GALNT17: variants seen among roughly 807,000 people sequenced by gnomAD.
GALNT17 encodes polypeptide N-acetylgalactosaminyltransferase 17, also known as UDP-GalNAc:polypeptide N-acetylgalactosaminyltransferase-like 3.
Under a neutral mutation model 63.7 loss-of-function variants are expected in GALNT17, and 29 were observed. The ratio of observed to expected loss-of-function variants is 0.46; its 90% CI spans 0.34 to 0.62. The LOEUF is 0.62. Ranked by LOEUF, GALNT17 falls within the 20% of genes least tolerant of loss-of-function variation. GALNT17 has a pLI of 0.01. For synonymous variants in GALNT17, 305 were observed against 318.3 expected (o/e 0.96, Z 0.45); for missense variants, 603 against 799.6 (o/e 0.75, Z 2.97).
At chr7:71,148,956 C>T (rs1788082430) in intron 1 of GALNT17, among the ~76,000 whole-genome samples, 1 of 149,940 alleles carries the variant, frequency 6.7e-6, no homozygotes, top group African/African-American at 2.5e-5. Context: ...TTTTGAGACA[C>T]AGTCTTGCTC....
At chr7:71,324,756 C>T (rs1313407911) in intron 1 of GALNT17, among the ~76,000 whole-genome samples, 2 of 87,450 alleles carry the variant, frequency 2.3e-5, no homozygotes, top group African/African-American at 1.1e-4. Flanking sequence ...TATATGCGTG[C>T]GTGTATATAT....
intron 2 of GALNT17, among the ~76,000 whole-genome samples, chr7:71,354,912 G>A (rs1430368109): frequency 2.0e-5 from 3 of 152,086 alleles, no homozygotes; most frequent in Admixed American, 2.0e-4. Flanking sequence ...CTCTAATGAT[G>A]TCAACCTTGG....
intron 5 of GALNT17, among the ~76,000 whole-genome samples, chr7:71,508,748 A>G (rs1465744251): frequency 6.6e-6 from 1 of 151,890 alleles, no homozygotes; most frequent in South Asian, 2.1e-4. Flanking sequence ...TCCCTGCTTC[A>G]CTTCCCTCCA....
At position 71,511,825 on chromosome 7, in the gene GALNT17, A is replaced by G. The variant is rs529562579; in HGVS notation, c.963-59460A>G. 2.4e-4 allele frequency among the ~76,000 whole-genome samples: 36 copies of G among 152,142 alleles called. 1 individual carries two copies. The highest frequency in any genetic ancestry group is 2.1e-3 in the Admixed American group (32 of 15,282). ...TCTGATGCTGTTGCTTGGATTGCCCAGGGGTCCCTTCTCTTGTCATATTTC... is the reference window on the plus strand; with the variant it reads ...TCTGATGCTGTTGCTTGGATTGCCCGGGGGTCCCTTCTCTTGTCATATTTC... On this transcript the variant is annotated intron_variant, in intron 5 of 10. Transcript: ENST00000333538.
intron 1 of GALNT17, among the ~76,000 whole-genome samples, chr7:71,329,564 G>A (rs933649630): frequency 2.0e-5 from 3 of 152,028 alleles, no homozygotes; most frequent in Admixed American, 6.6e-5. Context: ...AGGCTGTACA[G>A]GAAGCATGGT....
chr7:71,310,080 T>C (rs961998881), intron 1 of GALNT17, among the ~76,000 whole-genome samples: 13 of 152,226 alleles, frequency 8.5e-5, no homozygotes, highest in Admixed American at 7.2e-4. Context: ...AGACGTGACT[T>C]GCTCCTCCTT....
chr7:71,563,428 G>A (rs938023107), intron 5 of GALNT17, among the ~76,000 whole-genome samples: 2 of 152,132 alleles, frequency 1.3e-5, no homozygotes, highest in African/African-American at 4.8e-5. Flanking sequence ...TGGGATGGGT[G>A]GTAGCTTCCT....
At chr7:71,607,491 G>T (rs947096623) in intron 6 of GALNT17, among the ~76,000 whole-genome samples, 1 of 152,144 alleles carries the variant, frequency 6.6e-6, no homozygotes, top group Admixed American at 6.5e-5. Flanking sequence ...AGATAGAGGA[G>T]GGCTTTATAC....
At chr7:71,657,298 A>G (rs1290062822) in intron 6 of GALNT17, among the ~76,000 whole-genome samples, 1 of 152,246 alleles carries the variant, frequency 6.6e-6, no homozygotes, top group Non-Finnish European at 1.5e-5. Context: ...TTTCATGTGT[A>G]AAATATATTA....
chr7:71,342,656 T>C (rs1792026050), intron 2 of GALNT17, among the ~76,000 whole-genome samples: 1 of 152,178 alleles, frequency 6.6e-6, no homozygotes, highest in Non-Finnish European at 1.5e-5. Flanking sequence ...TAAACACAAA[T>C]TATGGTATAA....
chr7:71,263,746 A>G (rs1217319088), intron 1 of GALNT17, among the ~76,000 whole-genome samples: 1 of 151,730 alleles, frequency 6.6e-6, no homozygotes, highest in Non-Finnish European at 1.5e-5. Context: ...ACACGGTGAA[A>G]CCCCGTCTCT....
At chr7:71,416,620 A>T (rs1000222960) in intron 4 of GALNT17, among the ~76,000 whole-genome samples, 1 of 152,154 alleles carries the variant, frequency 6.6e-6, no homozygotes. Flanking sequence ...TCAAAAAAAA[A>T]AGAAAAAAAG....
intron 5 of GALNT17, among the ~76,000 whole-genome samples, chr7:71,500,257 C>T (rs6970463): frequency 0.98 from 149,309 of 152,290 alleles, 73,206 homozygotes; most frequent in East Asian, 1. Context: ...AATGTCTATT[C>T]TGTATGTTTG....
intron 9 of GALNT17, among the ~76,000 whole-genome samples, chr7:71,701,905 A>G (rs1791653864): frequency 7.9e-6 from 1 of 126,932 alleles, no homozygotes; most frequent in Admixed American, 8.5e-5. Flanking sequence ...ACACATATAT[A>G]TATATACATA....
chr7:71,494,546 ATGGGGCCTCAC>A (rs2116681725), intron 5 of GALNT17, among the ~76,000 whole-genome samples: 1 of 152,162 alleles, frequency 6.6e-6, no homozygotes, highest in Admixed American at 6.6e-5. Context: ...TTTTGTAGAA[ATGGGGCCTCAC>A]TGTATTACCC....
chr7:71,615,468 CTTTTTTT>C (rs59981146), intron 6 of GALNT17, among the ~76,000 whole-genome samples: 1 of 60,188 alleles, frequency 1.7e-5, no homozygotes, highest in African/African-American at 6.6e-5. Context: ...GAGCAAAGCA[CTTTTTTT>C]TTTTTTTTTT....
intron 1 of GALNT17, among the ~76,000 whole-genome samples, chr7:71,214,487 A>T (rs1789438430): frequency 6.6e-6 from 1 of 152,114 alleles, no homozygotes; most frequent in East Asian, 1.9e-4. Context: ...GAAGAATGTC[A>T]TGAGCCCCTT....
intron 4 of GALNT17, among the ~76,000 whole-genome samples, chr7:71,417,049 T>A (rs1258216171): frequency 6.6e-6 from 1 of 152,224 alleles, no homozygotes; most frequent in Non-Finnish European, 1.5e-5. Flanking sequence ...AAGTAACCAA[T>A]GATCCATCAA....
At chr7:71,640,818 C>T (rs551113812) in intron 6 of GALNT17, among the ~76,000 whole-genome samples, 14 of 151,722 alleles carry the variant, frequency 9.2e-5, no homozygotes, top group African/African-American at 3.4e-4. Flanking sequence ...TTAAGACCAG[C>T]CTGGGCAACA....
Sources: allele counts gnomAD v4.1 joint callset (sites outside exome capture counted in the v4.1 genomes callset), GRCh38; gene constraint gnomAD v4.1.1; transcripts MANE v1.5; gene names NCBI Gene and HGNC (gene_info 2026-07-23, HGNC 2026-07-21).